The following DOCK9 variants were observed in gnomAD, a reference collection of about 807,000 sequenced individuals.
DOCK9 encodes the protein dedicator of cytokinesis protein 9.
A neutral mutation model predicts 263.3 loss-of-function variants in DOCK9; 89 were observed. The ratio of observed to expected loss-of-function variants is 0.34; its 90% CI spans 0.28 to 0.40. DOCK9 has a LOEUF of 0.40. DOCK9 is among the 10% of genes least tolerant of loss of function. The pLI is 1.00. For missense variants in DOCK9, 2,140 were observed against 2,603.4 expected (o/e 0.82, Z 3.87); for synonymous variants, 976 against 973.1 (o/e 1.00, Z -0.06).
chr13:99,021,749 G>C (rs953170773), intron 1 of DOCK9, among the ~76,000 whole-genome samples: 19 of 152,128 alleles, frequency 1.2e-4, no homozygotes, highest in African/African-American at 4.3e-4. Context: ...ATTAGAGACA[G>C]GTTTTTCTCC....
chr13:99,078,877 G>A (rs1247964283), intron 1 of DOCK9, among the ~76,000 whole-genome samples: 1 of 152,110 alleles, frequency 6.6e-6, no homozygotes, highest in Non-Finnish European at 1.5e-5. Context: ...ATCTGGGAAG[G>A]ACAGAAAATC....
At chr13:99,046,351 C>T (rs1219866534) in intron 1 of DOCK9, among the ~76,000 whole-genome samples, 1 of 152,230 alleles carries the variant, frequency 6.6e-6, no homozygotes, top group Non-Finnish European at 1.5e-5. Flanking sequence ...AGGGCCATAA[C>T]ACATTGCACA....
Position 98,845,921 on chromosome 13 carries a change from T to G in DOCK9, c.4198+3A>C, listed in dbSNP as rs1301305614. ...TGTTACGATGGCATGTCATGGGACT[T>G]ACTGTGGTTAAAAGTGAGAGAGTTA... On this transcript the variant is annotated splice_donor_region_variant and intron_variant, in intron 38 of 52. Coordinates refer to ENST00000682017, the MANE Select transcript of DOCK9 (RefSeq NM_001366683.2). The G allele has an allele frequency of 6.2e-7, 1 of 1,613,160 alleles. No homozygotes were observed. Among genetic ancestry groups the G allele is most frequent in the Non-Finnish European group, 8.5e-7 (1 of 1,179,674 alleles).
chr13:98,891,691 T>C (rs2139079788), intron 15 of DOCK9, among the ~76,000 whole-genome samples: 1 of 152,338 alleles, frequency 6.6e-6, no homozygotes, highest in African/African-American at 2.4e-5. Flanking sequence ...CTTATTCTAT[T>C]TCCTCCCTCT....
At chr13:98,982,950 T>C (rs539340689), upstream of DOCK9, among the ~76,000 whole-genome samples, 19 of 152,328 alleles carry the variant, frequency 1.2e-4, no homozygotes, top group South Asian at 3.3e-3. Context: ...TTTTTAGCAA[T>C]AAATCTATAT....
rs781330191 is a variant in DOCK9, at chr13:98,860,307, G to A, written c.3697+98C>T. Reference sequence around the variant, plus strand: ...CTCAGGAAAGCAACTTAGACTTCAAGGTCCTACCACACAAGTGTGACACGT... The same window carrying A: ...CTCAGGAAAGCAACTTAGACTTCAAAGTCCTACCACACAAGTGTGACACGT... On this transcript the variant is annotated intron_variant, in intron 33 of 52. Coordinates refer to ENST00000682017, the MANE Select transcript of DOCK9 (RefSeq NM_001366683.2). 53 of 1,523,028 alleles carry A rather than the reference G, an allele frequency of 3.5e-5. No homozygotes were observed. In the African/African-American group the frequency reaches 5.5e-4, roughly 16 times the overall value. The allele number at this position is 1,523,028 out of a possible 1,614,324, so 94.3% of individuals were successfully genotyped here.
intron 1 of DOCK9, among the ~76,000 whole-genome samples, chr13:99,043,680 G>A (rs919838667): frequency 1.3e-5 from 2 of 152,204 alleles, no homozygotes; most frequent in Non-Finnish European, 2.9e-5. Flanking sequence ...AGGGAAGGGA[G>A]CTGAGGACAT....
intron 1 of DOCK9, among the ~76,000 whole-genome samples, chr13:99,080,404 T>C (rs190128040): frequency 2.0e-5 from 3 of 152,336 alleles, no homozygotes; most frequent in East Asian, 1.9e-4. Context: ...CATATGTTCA[T>C]GGCTGGTTTG....
intron 38 of DOCK9, among the ~76,000 whole-genome samples, chr13:98,841,601 T>C (rs913526519): frequency 1.8e-4 from 27 of 152,000 alleles, no homozygotes; most frequent in African/African-American, 6.5e-4. Context: ...AATAAGTGTC[T>C]TGTTTATGAA....
intron 2 of DOCK9, among the ~76,000 whole-genome samples, chr13:98,951,903 C>CTTGTTTTTTTTTTTTTTT: frequency 7.4e-6 from 1 of 134,914 alleles, no homozygotes; most frequent in African/African-American, 2.8e-5. Flanking sequence ...TTAATATTCC[C>CTTGTTTTTTTTTTTTTTT]TTTTTTTTTT....
intron 1 of DOCK9, among the ~76,000 whole-genome samples, chr13:99,006,767 A>G (rs1021025790): frequency 4.6e-5 from 7 of 152,326 alleles, no homozygotes; most frequent in African/African-American, 1.7e-4. Context: ...TGTATTCTAA[A>G]TATAAAAGAC....
Position 98,829,271 on chromosome 13 carries a change from T to A in DOCK9, c.4965+36A>T, listed in dbSNP as rs2092668310. On this transcript the variant is annotated intron_variant, in intron 43 of 52. Transcript: ENST00000682017. The surrounding 1 kb of genome is among the most constrained non-coding windows in gnomAD (Gnocchi z 4.1). The stretch of plus-strand genomic sequence containing the variant: ...AGTGAATGGGGCCTCACTGGTTTTT[T>A]CAAAAACCCATTCAAGCGGCTGGCA... 6.4e-7 allele frequency: 1 copy of A among 1,570,090 alleles called. No individual in the cohort carries two copies.
rs575209734 is a variant in DOCK9, at chr13:98,809,334, A to G, written c.5367+18T>C. 9 of 1,602,138 alleles carry G rather than the reference A, an allele frequency of 5.6e-6. No homozygotes were observed. Among genetic ancestry groups the G allele is most frequent in the Non-Finnish European group, 6.8e-6 (8 of 1,169,550 alleles). ...TTAAAGGACTTAGGACAGTCTGCAG[A>G]ATGGACAGGAGGCTCACCTGCCCGA... On this transcript the variant is annotated intron_variant, in intron 47 of 52. Coordinates refer to ENST00000682017, the MANE Select transcript of DOCK9 (RefSeq NM_001366683.2).
chr13:98,824,381 T>G lies in DOCK9; in HGVS notation c.5130+17A>C, dbSNP rs377598095. On this transcript the variant is annotated intron_variant, in intron 45 of 52. Transcript: ENST00000682017. ...ATACCCCAGTACCTGAAAGCCCACA[T>G]GAGTTCAAGCACGCACCTCGTTGAA... 4 of 1,611,524 alleles carry G rather than the reference T, an allele frequency of 2.5e-6. No individual in the cohort carries two copies. Among genetic ancestry groups the G allele is most frequent in the East Asian group, 2.2e-5 (1 of 44,844 alleles).
chr13:98,868,014 G>A lies in DOCK9; in HGVS notation c.3091-3C>T, dbSNP rs779792092. 1 of 1,612,868 alleles carries A rather than the reference G, an allele frequency of 6.2e-7. No individual in the cohort carries two copies. Among genetic ancestry groups the A allele is most frequent in the Non-Finnish European group, 8.5e-7 (1 of 1,179,452 alleles). On this transcript the variant is annotated splice_region_variant and splice_polypyrimidine_tract_variant and intron_variant, in intron 28 of 52. Coordinates refer to ENST00000682017, the MANE Select transcript of DOCK9 (RefSeq NM_001366683.2). The stretch of plus-strand genomic sequence containing the variant: ...CTGTCCATGAAGGTGAAACATCTCT[G>A]TGGAGGAAAACAAGCAAAAAAGTTA...
intron 52 of DOCK9, among the ~76,000 whole-genome samples, chr13:98,795,677 T>G (rs184175337): frequency 7.2e-5 from 11 of 152,350 alleles, no homozygotes; most frequent in African/African-American, 2.4e-4. Context: ...TCTCAAGTTT[T>G]CTCTGAAAAT....
intron 1 of DOCK9, among the ~76,000 whole-genome samples, chr13:99,009,724 G>A (rs1334280553): frequency 6.6e-6 from 1 of 151,934 alleles, no homozygotes; most frequent in Non-Finnish European, 1.5e-5. Context: ...TCAGGGGCCA[G>A]AAAGCGTATC....
chr13:99,045,307 T>C (rs1888862584), intron 1 of DOCK9, among the ~76,000 whole-genome samples: 1 of 152,160 alleles, frequency 6.6e-6, no homozygotes, highest in Non-Finnish European at 1.5e-5. Context: ...GTATACCGTA[T>C]ATACACAATG....
intron 1 of DOCK9, among the ~76,000 whole-genome samples, chr13:99,041,919 C>T (rs567957132): frequency 6.6e-6 from 1 of 152,360 alleles, no homozygotes; most frequent in South Asian, 2.1e-4. Context: ...GAAAAATTCT[C>T]TCCTTAAGTC....
Sources: allele counts gnomAD v4.1 joint callset (sites outside exome capture counted in the v4.1 genomes callset), GRCh38; gene constraint gnomAD v4.1.1; non-coding constraint Gnocchi (gnomAD v3.1); transcripts MANE v1.5; gene names NCBI Gene and HGNC (gene_info 2026-07-23, HGNC 2026-07-21).